The following RAD18 variants were observed in gnomAD, a reference collection of about 807,000 sequenced individuals.
RAD18 encodes the protein RAD18 E3 ubiquitin protein ligase, also known as E3 ubiquitin-protein ligase RAD18.
In RAD18, 47 loss-of-function variants were observed where a neutral mutation model predicts 60.4. The observed-to-expected ratio is 0.78, with a 90% CI of 0.62 to 0.99. The LOEUF (loss-of-function observed/expected upper bound fraction) is 0.99, where lower values mean the gene tolerates loss of function less well. Among genes scored for constraint, RAD18 ranks in the 50% least tolerant of loss-of-function variants. The pLI is 0.00. For synonymous variants in RAD18, 225 were observed against 195.5 expected, an observed-to-expected ratio of 1.15 and a Z score of -1.26; for missense variants, 640 against 593.3, an observed-to-expected ratio of 1.08 and a Z score of -0.82.
chr3:8,885,658 G>A (rs1939547399), intron 12 of RAD18, among the ~76,000 whole-genome samples: 1 of 152,190 alleles, frequency 6.6e-6, no homozygotes, highest in South Asian at 2.1e-4. Context: ...CTGTAAGGGA[G>A]GGAAGAGGGA....
chr3:8,912,878 C>A (rs978654654), intron 8 of RAD18, among the ~76,000 whole-genome samples: 3 of 152,142 alleles, frequency 2.0e-5, no homozygotes, highest in African/African-American at 7.2e-5. Context: ...GATCAGAAAT[C>A]TGCTTCCATG....
intron 6 of RAD18, among the ~76,000 whole-genome samples, chr3:8,939,242 T>C (rs1004920977): frequency 1.4e-4 from 21 of 152,172 alleles, no homozygotes; most frequent in Non-Finnish European, 2.9e-4. Flanking sequence ...AGAGGCTTTT[T>C]GGTAGTTTTT....
At chr3:8,892,288 G>A (rs528699537) in intron 11 of RAD18, among the ~76,000 whole-genome samples, 25 of 152,272 alleles carry the variant, frequency 1.6e-4, no homozygotes, top group African/African-American at 5.1e-4. Context: ...ATGAATGTAA[G>A]GTTTGGTACA....
intron 7 of RAD18, among the ~76,000 whole-genome samples, chr3:8,919,636 A>C (rs572652889): frequency 6.6e-6 from 1 of 152,370 alleles, no homozygotes; most frequent in South Asian, 2.1e-4. Flanking sequence ...ACATATATGC[A>C]TATATTTCCC....
intron 11 of RAD18, among the ~76,000 whole-genome samples, chr3:8,896,381 A>C (rs1409723497): frequency 6.6e-6 from 1 of 152,208 alleles, no homozygotes; most frequent in African/African-American, 2.4e-5. Flanking sequence ...CTGTTCATTT[A>C]ACTTTTAATC....
rs185551358 is a variant in RAD18 at position 8,899,937 on chromosome 3, C to T, written c.1169-890G>A. On this transcript the variant is annotated intron_variant, in intron 10 of 12. Coordinates refer to ENST00000264926, the MANE Select transcript of RAD18 (RefSeq NM_020165.4). ...GCTTTCACACATCACTCATCAAGCA[C>T]TTGTAGAGGCAAGTGGTCTTCAACA... is the stretch of plus-strand genomic sequence containing the variant. 5.8e-4 allele frequency among the ~76,000 whole-genome samples: 88 copies of T among 152,282 alleles called. No homozygotes were observed. The South Asian group carries it at 6.6e-3, about 11-fold the overall frequency.
Position 8,941,514 on chromosome 3 carries a change from T to G in RAD18, c.557A>C (p.Lys186Thr), listed in dbSNP as rs149603888. 13 of 1,613,764 alleles carry G rather than the reference T, an allele frequency of 8.1e-6. No homozygotes were observed. Among genetic ancestry groups the G allele is most frequent in the Non-Finnish European group, 8.5e-6 (10 of 1,179,886 alleles). Residue 186 changes from lysine (K) to threonine (T), a missense_variant, in exon 5 of 13, where the codon AAG (lysine) becomes ACG (threonine). Coordinates refer to ENST00000264926, the MANE Select transcript of RAD18 (RefSeq NM_020165.4). Reference sequence around the variant, plus strand: ...GGATGTCGAGGGTGGCTCAGGACGCTTAGCCTCTGAGGGATCTGGAGCGAT... The same window carrying G: ...GGATGTCGAGGGTGGCTCAGGACGCGTAGCCTCTGAGGGATCTGGAGCGAT... ...EEIAPDPSEA[K>T]RPEPPSTSTL...
chr3:8,884,991 G>A (rs1939532788), intron 12 of RAD18, among the ~76,000 whole-genome samples: 2 of 152,208 alleles, frequency 1.3e-5, no homozygotes, highest in Non-Finnish European at 2.9e-5. Flanking sequence ...AGCCAGATGG[G>A]AGGATATTCC....
chr3:8,933,000 G>A lies in RAD18; in HGVS notation c.889+2871C>T, dbSNP rs45508392. On this transcript the variant is annotated intron_variant, in intron 7 of 12. Transcript: ENST00000264926. ...AGTCCCAGCTACTCGGGAGGCTGAG[G>A]CAGGAGAATCGCTTCAACCTGGGAG... Among the ~76,000 whole-genome samples the A allele has an allele frequency of 2.6e-5, 4 of 152,188 alleles. No homozygotes were observed. The East Asian group carries it at 7.7e-4, about 29-fold the overall frequency.
At chr3:8,945,468 CTTTT>C (rs375744764) in intron 4 of RAD18, among the ~76,000 whole-genome samples, 9 of 96,416 alleles carry the variant, frequency 9.3e-5, no homozygotes, top group Non-Finnish European at 1.8e-4. Flanking sequence ...TTTCCATCTT[CTTTT>C]TTTTTTTTTT....
intron 11 of RAD18, among the ~76,000 whole-genome samples, chr3:8,891,857 G>A (rs549609250): frequency 6.6e-6 from 1 of 152,284 alleles, no homozygotes; most frequent in African/African-American, 2.4e-5. Context: ...TAAAATACCA[G>A]ACAGAACTGC....
chr3:8,887,212 G>A (rs959511231), intron 12 of RAD18, among the ~76,000 whole-genome samples: 10 of 152,204 alleles, frequency 6.6e-5, no homozygotes, highest in Non-Finnish European at 1.5e-4. Context: ...TCACTAATCT[G>A]TAGTCTAACA....
At chr3:8,948,073 T>C (rs1266059976) in intron 3 of RAD18, among the ~76,000 whole-genome samples, 1 of 152,194 alleles carries the variant, frequency 6.6e-6, no homozygotes, top group Non-Finnish European at 1.5e-5. Context: ...CAACAAACTT[T>C]CTAGGGTTTT....
intron 12 of RAD18, among the ~76,000 whole-genome samples, chr3:8,881,728 G>A (rs566638287): frequency 1.3e-5 from 2 of 152,186 alleles, no homozygotes; most frequent in Admixed American, 1.3e-4. Context: ...GTAGAGGGCT[G>A]GGAAAAAACG....
chr3:8,944,985 A>G (rs1361103099), intron 4 of RAD18, among the ~76,000 whole-genome samples: 1 of 152,264 alleles, frequency 6.6e-6, no homozygotes, highest in East Asian at 1.9e-4. Context: ...AAAAATAATA[A>G]AAGTAACAAT....
chr3:8,891,488 G>C (rs981389754), intron 11 of RAD18, among the ~76,000 whole-genome samples: 6 of 152,190 alleles, frequency 3.9e-5, no homozygotes, highest in Non-Finnish European at 5.9e-5. Flanking sequence ...GAAAACATTT[G>C]CAGTACACTA....
intron 12 of RAD18, among the ~76,000 whole-genome samples, chr3:8,884,653 T>C (rs1420154087): frequency 3.3e-5 from 5 of 152,192 alleles, no homozygotes; most frequent in African/African-American, 4.8e-5. Flanking sequence ...TTCCCCTCTT[T>C]GATTTGCCTT....
At chr3:8,881,511 G>T in intron 12 of RAD18, 52 bp from the exon 13 acceptor site, 1 of 1,402,594 alleles carries the variant, frequency 7.1e-7, no homozygotes, top group Non-Finnish European at 1.0e-6. Context: ...TTATTGTACA[G>T]CAGTTTCTAG....
intron 7 of RAD18, among the ~76,000 whole-genome samples, chr3:8,929,479 G>T (rs1940510631): frequency 6.6e-6 from 1 of 152,030 alleles, no homozygotes; most frequent in African/African-American, 2.4e-5. Context: ...GAACCCTCTG[G>T]CTATAGATTC....
Sources: allele counts gnomAD v4.1 joint callset (sites outside exome capture counted in the v4.1 genomes callset), GRCh38; gene constraint gnomAD v4.1.1; transcripts MANE v1.5; gene names NCBI Gene and HGNC (gene_info 2026-07-23, HGNC 2026-07-21).